The following LRRC8C variants were observed in gnomAD, a reference collection of about 807,000 sequenced individuals.
LRRC8C encodes volume-regulated anion channel subunit LRRC8C.
LRRC8C carries 20 observed loss-of-function variants against 55.3 expected under a neutral mutation model. The ratio of observed to expected loss-of-function variants is 0.36; its 90% CI spans 0.25 to 0.53. The LOEUF is 0.53. Ranked by LOEUF, LRRC8C falls within the 20% of genes least tolerant of loss-of-function variation. The pLI is 0.92. For synonymous variants in LRRC8C, 376 were observed against 360.7 expected (o/e 1.04, Z -0.48); for missense variants, 659 against 951.4 (o/e 0.69, Z 4.04).
chr1:89,623,178 A>G, the LRRC8C span, among the ~76,000 whole-genome samples: 71 of 133,350 alleles, frequency 5.3e-4, no homozygotes, highest in African/African-American at 1.9e-3. Context: ...ACACACACAC[A>G]CACATGCGCA....
chr1:89,656,441 C>G lies in LRRC8C; in HGVS notation c.-5+23119C>G, dbSNP rs1463946403. On this transcript the variant is annotated intron_variant, in intron 1 of 2. Coordinates refer to ENST00000370454, the MANE Select transcript of LRRC8C (RefSeq NM_032270.5). The stretch of plus-strand genomic sequence containing the variant: ...TCGAGGCTTTCTTAAAACTTCAGGT[C>G]ATGCTCTAGAGATGCTAGGTACTGA... 2.0e-5 allele frequency among the ~76,000 whole-genome samples: 3 copies of G among 152,168 alleles called. No individual in the cohort carries two copies. The East Asian group carries it at 5.8e-4, about 29-fold the overall frequency.
At chr1:89,649,550 A>G (rs967812844) in intron 1 of LRRC8C, among the ~76,000 whole-genome samples, 5 of 152,152 alleles carry the variant, frequency 3.3e-5, no homozygotes, top group Non-Finnish European at 7.4e-5. Flanking sequence ...TATTCTAGAT[A>G]TAAATAACTG....
chr1:89,669,007 A>G (rs745425623), intron 1 of LRRC8C, among the ~76,000 whole-genome samples: 3 of 152,210 alleles, frequency 2.0e-5, no homozygotes, highest in Non-Finnish European at 2.9e-5. Flanking sequence ...AGTAAACTTC[A>G]TTATTCACAA....
intron 1 of LRRC8C, among the ~76,000 whole-genome samples, chr1:89,650,869 C>G (rs1257458026): frequency 2.0e-5 from 3 of 152,140 alleles, no homozygotes; most frequent in South Asian, 2.1e-4. Context: ...ACTCCAACCC[C>G]AAGTTCAACC....
rs771955175 is a variant in LRRC8C, at chr1:89,659,048, G to GTTT, written c.-5+25738_-5+25740dup. On this transcript the variant is annotated intron_variant, in intron 1 of 2. Coordinates refer to ENST00000370454, the MANE Select transcript of LRRC8C (RefSeq NM_032270.5). Reference sequence around the variant, plus strand: ...AAATTTTAGGTTGTGTCTTCTCCAGGTTTTTTTTTTTTTTGTGTGTGTGTG... The same window carrying GTTT: ...AAATTTTAGGTTGTGTCTTCTCCAGGTTTTTTTTTTTTTTTTTGTGTGTGTGTG... 2.3e-3 allele frequency among the ~76,000 whole-genome samples: 60 copies of GTTT among 26,216 alleles called. 7 individuals are homozygous for GTTT. Among genetic ancestry groups the GTTT allele is most frequent in the Middle Eastern group, 0.016 (1 of 62 alleles). 17.2% of individuals were successfully genotyped at this position (26,216 alleles called of 152,430 possible). A position where few individuals can be genotyped will look rare whatever the true frequency, so the allele number is the denominator to read the frequency against.
chr1:89,708,515 C>G (rs1343867023), intron 2 of LRRC8C: 1 of 151,480 alleles, frequency 6.6e-6, no homozygotes, highest in Non-Finnish European at 1.5e-5. Context: ...CAAAAATTTC[C>G]TAATTCTCAC....
rs374178259 is a variant in LRRC8C, at chr1:89,709,760, T to G, written c.139-2949T>G. Among the ~76,000 whole-genome samples, 1,505 of 150,892 alleles carry G rather than the reference T, an allele frequency of 1.0e-2. 28 individuals are homozygous for G. The highest frequency in any genetic ancestry group is 0.027 in the African/African-American group (1,092 of 41,186). On this transcript the variant is annotated intron_variant, in intron 2 of 2. Transcript: ENST00000370454. ...TGTGTGGTTTTTTTTTGTTTGTTTT[T>G]TTTTTGTTTGAGACGGAGTCTCGCT...
the LRRC8C span, among the ~76,000 whole-genome samples, chr1:89,622,615 G>A: frequency 2.0e-5 from 3 of 152,152 alleles, no homozygotes. Context: ...TTACAGGGGT[G>A]AGCCACCGCG....
intron 1 of LRRC8C, among the ~76,000 whole-genome samples, chr1:89,671,563 A>G (rs1399039442): frequency 2.0e-5 from 3 of 152,106 alleles, no homozygotes; most frequent in Admixed American, 6.6e-5. Context: ...GTCTCAGGAG[A>G]TTGTTGAGCA....
At chr1:89,680,641 A>G (rs992421501) in intron 1 of LRRC8C, among the ~76,000 whole-genome samples, 1 of 143,102 alleles carries the variant, frequency 7.0e-6, no homozygotes, top group African/African-American at 2.6e-5. Flanking sequence ...GCTCGCTGCA[A>G]CCTCTGACTC....
At chr1:89,666,631 A>C (rs1054249522) in intron 1 of LRRC8C, among the ~76,000 whole-genome samples, 1 of 152,198 alleles carries the variant, frequency 6.6e-6, no homozygotes, top group Non-Finnish European at 1.5e-5. Flanking sequence ...AGAGTAGTAC[A>C]AAAGAAATCT....
chr1:89,659,061 T>TTG (rs71084956), intron 1 of LRRC8C, among the ~76,000 whole-genome samples: 57 of 53,962 alleles, frequency 1.1e-3, no homozygotes, highest in African/African-American at 3.0e-3. Context: ...TTTTTTTTTT[T>TTG]TGTGTGTGTG....
chr1:89,668,836 A>G (rs1570710414), intron 1 of LRRC8C, among the ~76,000 whole-genome samples: 1 of 152,224 alleles, frequency 6.6e-6, no homozygotes, highest in East Asian at 1.9e-4. Flanking sequence ...TCTGGCAGTT[A>G]GTAAGCATGA....
chr1:89,714,917 G>A lies in LRRC8C; in HGVS notation c.2347G>A (p.Val783Ile). 3 of 1,612,428 alleles carry A rather than the reference G, an allele frequency of 1.9e-6. No homozygotes were observed. Among genetic ancestry groups the A allele is most frequent in the Non-Finnish European group, 2.5e-6 (3 of 1,179,572 alleles). ...DCRALKRAGL[V>I]VEDALFETLP... is the part of the protein sequence containing the mutation. ...TCGGGCTCTGAAGCGAGCTGGTTTA[G>A]TTGTAGAAGATGCTCTGTTTGAAAC... The change falls in exon 3 of 3, where the codon GTT becomes ATT. Residue 783 changes from valine to isoleucine, a missense_variant. This residue lies in a region of LRRC8C where 344 missense variants were observed against 464.6 expected (regional missense o/e 0.74). Transcript: ENST00000370454. The surrounding 1 kb of genome is among the most constrained non-coding windows in gnomAD (Gnocchi z 4.6).
rs1356236379 is a variant in LRRC8C, at chr1:89,714,553, C to G, written c.1983C>G (p.Ser661Arg). The change falls in exon 3 of 3, where the codon AGC (serine) becomes AGG (arginine). Residue 661 changes from serine to arginine, a missense_variant. Around this residue, in one of 5 missense-constraint regions of LRRC8C, gnomAD observed 344 missense variants for 464.6 expected, o/e 0.74. Transcript: ENST00000370454. This position sits in a 1 kb window ranked among gnomAD's most constrained non-coding sequence, Gnocchi z 4.6. ...YIPEHIKKLT[S>R]LERLSFSHNK... ...CAGAGCATATAAAGAAACTCACCAG[C>G]CTGGAACGCCTGTCCTTTAGTCACA... The G allele has an allele frequency of 1.2e-6, 2 of 1,614,052 alleles. No individual in the cohort carries two copies. Among genetic ancestry groups the G allele is most frequent in the Admixed American group, 1.7e-5 (1 of 60,006 alleles).
intron 2 of LRRC8C, among the ~76,000 whole-genome samples, chr1:89,701,885 C>G (rs977880872): frequency 2.0e-5 from 3 of 152,092 alleles, no homozygotes; most frequent in Non-Finnish European, 4.4e-5. Flanking sequence ...GGGCTCTTAT[C>G]CAAAACTAAG....
intron 2 of LRRC8C, among the ~76,000 whole-genome samples, chr1:89,691,041 C>T (rs1160706313): frequency 2.6e-5 from 4 of 152,150 alleles, no homozygotes; most frequent in South Asian, 2.1e-4. Flanking sequence ...AGAATTCATA[C>T]GGGGTGGACT....
intron 1 of LRRC8C, among the ~76,000 whole-genome samples, chr1:89,664,165 T>C (rs1393077393): frequency 6.6e-6 from 1 of 152,222 alleles, no homozygotes; most frequent in Admixed American, 6.5e-5. Context: ...ATTTGTCAAT[T>C]TTGGCTTTTG....
intron 1 of LRRC8C, among the ~76,000 whole-genome samples, chr1:89,640,130 T>C (rs965486197): frequency 3.9e-5 from 6 of 152,244 alleles, no homozygotes; most frequent in African/African-American, 1.4e-4. Context: ...AGTGGCACAA[T>C]CTTAGCTCAC....
Sources: gnomAD v4.1 joint callset for allele counts (sites outside exome capture counted in the v4.1 genomes callset) on GRCh38, gnomAD v4.1.1 for gene constraint, gnomAD v4.1.1 regional missense constraint, Gnocchi (gnomAD v3.1) non-coding constraint, MANE v1.5 for transcripts, NCBI Gene and HGNC (gene_info 2026-07-23, HGNC 2026-07-21) for gene names.